Variants in ARB2A observed in about 807,000 individuals in gnomAD.
The protein encoded by ARB2A is ARB2 cotranscriptional regulator A, also known as cotranscriptional regulator ARB2A.
At chr5:94,033,023 G>C in the ARB2A span, among the ~76,000 whole-genome samples, 1 of 152,048 alleles carries the variant, frequency 6.6e-6, no homozygotes, top group African/African-American at 2.4e-5. Context: ...GAAATCTGAT[G>C]GTTTTAGAAG....
At chr5:93,659,000 A>G in the ARB2A span, among the ~76,000 whole-genome samples, 3 of 151,956 alleles carry the variant, frequency 2.0e-5, no homozygotes, top group Non-Finnish European at 4.4e-5. Flanking sequence ...ATAAAAAACA[A>G]TTTTATATGT....
At chr5:94,065,966 C>A in the ARB2A span, among the ~76,000 whole-genome samples, 1 of 151,944 alleles carries the variant, frequency 6.6e-6, no homozygotes, top group East Asian at 1.9e-4. Context: ...CAGGATAGAC[C>A]ATATGTTAGG....
the ARB2A span, chr5:93,739,222 T>C: frequency 6.6e-6 from 1 of 151,934 alleles, no homozygotes; most frequent in South Asian, 2.1e-4. Context: ...ACAAGAGTTA[T>C]TCTCTATACA....
chr5:93,821,592 T>G, the ARB2A span, among the ~76,000 whole-genome samples: 1 of 151,946 alleles, frequency 6.6e-6, no homozygotes, highest in African/African-American at 2.4e-5. Context: ...ACACCATGAG[T>G]TTTTAAATTT....
At chr5:93,918,675 GCCTCCC>G in the ARB2A span, among the ~76,000 whole-genome samples, 1 of 151,986 alleles carries the variant, frequency 6.6e-6, no homozygotes, top group Non-Finnish European at 1.5e-5. Context: ...GCCCGTCTCG[GCCTCCC>G]AAAATGCTGG....
the ARB2A span, among the ~76,000 whole-genome samples, chr5:93,648,572 G>A: frequency 6.6e-6 from 1 of 152,174 alleles, no homozygotes; most frequent in Non-Finnish European, 1.5e-5. Context: ...AGAGTTGATG[G>A]AGAGGAGATT....
At chr5:93,987,445 G>A in the ARB2A span, among the ~76,000 whole-genome samples, 3 of 152,018 alleles carry the variant, frequency 2.0e-5, no homozygotes, top group African/African-American at 2.4e-5. Context: ...TAGAACCAAA[G>A]GACATTTACC....
chr5:93,862,951 A>C, the ARB2A span: 1 of 152,110 alleles, frequency 6.6e-6, no homozygotes, highest in Non-Finnish European at 1.5e-5. Context: ...TAACATATTA[A>C]TTTAGAGAAA....
At chr5:93,931,320 C>T in the ARB2A span, among the ~76,000 whole-genome samples, 6 of 152,134 alleles carry the variant, frequency 3.9e-5, no homozygotes, top group East Asian at 1.9e-4. Context: ...CAAAATTAGC[C>T]GAGCATGGTG....
the ARB2A span, chr5:94,053,258 T>C: frequency 8.7e-7 from 1 of 1,150,608 alleles, no homozygotes; most frequent in South Asian, 1.5e-5. Flanking sequence ...AATTTACTTA[T>C]ATTCATTTTC....
chr5:93,825,904 A>G, the ARB2A span, among the ~76,000 whole-genome samples: 1 of 151,718 alleles, frequency 6.6e-6, no homozygotes, highest in Non-Finnish European at 1.5e-5. Flanking sequence ...AAAAATGAAT[A>G]ATAAATATTT....
At chr5:94,085,913 G>A in the ARB2A span, among the ~76,000 whole-genome samples, 1 of 152,110 alleles carries the variant, frequency 6.6e-6, no homozygotes, top group Non-Finnish European at 1.5e-5. Flanking sequence ...CATTTATATT[G>A]AGCTAAACTA....
At chr5:93,823,265 A>G in the ARB2A span, among the ~76,000 whole-genome samples, 3 of 152,184 alleles carry the variant, frequency 2.0e-5, no homozygotes, top group East Asian at 5.8e-4. Context: ...CATGATTGTG[A>G]TATTGTAATA....
chr5:94,012,704 T>A, the ARB2A span, among the ~76,000 whole-genome samples: 1 of 152,150 alleles, frequency 6.6e-6, no homozygotes, highest in East Asian at 1.9e-4. Flanking sequence ...GCAAAATAAA[T>A]GCTTATTGCT....
the ARB2A span, among the ~76,000 whole-genome samples, chr5:93,649,037 A>G: frequency 2.0e-5 from 3 of 152,216 alleles, no homozygotes; most frequent in East Asian, 1.9e-4. Context: ...TAGAAAATAT[A>G]TAAGTTAAAA....
the ARB2A span, among the ~76,000 whole-genome samples, chr5:93,627,883 G>C: frequency 6.6e-6 from 1 of 152,096 alleles, no homozygotes; most frequent in African/African-American, 2.4e-5. Context: ...GGGTAACCAA[G>C]TGTACTGTCA....
the ARB2A span, among the ~76,000 whole-genome samples, chr5:93,627,667 C>T: frequency 6.6e-6 from 1 of 152,000 alleles, no homozygotes; most frequent in African/African-American, 2.4e-5. Flanking sequence ...GTCTTGAACT[C>T]CTGACCTCGT....
At chr5:93,655,062 G>T in the ARB2A span, among the ~76,000 whole-genome samples, 2 of 152,114 alleles carry the variant, frequency 1.3e-5, no homozygotes, top group African/African-American at 4.8e-5. Flanking sequence ...AAATCACCTT[G>T]CAGAGCCTCT....
the ARB2A span, among the ~76,000 whole-genome samples, chr5:94,043,150 AGG>A: frequency 6.6e-6 from 1 of 152,112 alleles, no homozygotes; most frequent in Non-Finnish European, 1.5e-5. Flanking sequence ...ATCAGAATAG[AGG>A]AAAAAAAACT....
Sources: allele counts gnomAD v4.1 joint callset (sites outside exome capture counted in the v4.1 genomes callset), GRCh38; gene constraint gnomAD v4.1.1; transcripts MANE v1.5; gene names NCBI Gene and HGNC (gene_info 2026-07-23, HGNC 2026-07-21).